Variants in SV2C observed in about 807,000 individuals in gnomAD.
The protein encoded by SV2C is solute carrier family 22 member B3.
In SV2C, 49 loss-of-function variants were observed where a neutral mutation model predicts 79.7. The observed-to-expected ratio is 0.61, with a 90% CI of 0.49 to 0.78. SV2C has a LOEUF of 0.78. Ranked by LOEUF, SV2C falls within the 30% of genes least tolerant of loss-of-function variation. The pLI is 0.00. For synonymous variants in SV2C, 334 were observed against 333.2 expected (o/e 1.00, Z -0.03); for missense variants, 833 against 912.9 (o/e 0.91, Z 1.13).
At chr5:75,972,127 AG>A in the SV2C span, among the ~76,000 whole-genome samples, 1 of 152,288 alleles carries the variant, frequency 6.6e-6, no homozygotes, top group East Asian at 1.9e-4. Flanking sequence ...AGCCATATGT[AG>A]AAAGCTGAAA....
intron 1 of SV2C, among the ~76,000 whole-genome samples, chr5:76,091,118 C>T (rs1747362087): frequency 6.6e-6 from 1 of 152,200 alleles, no homozygotes. Context: ...CTTTTCAACA[C>T]AAGACAGAAT....
At chr5:76,256,531 G>A (rs532439341) in intron 4 of SV2C, among the ~76,000 whole-genome samples, 9 of 152,282 alleles carry the variant, frequency 5.9e-5, no homozygotes, top group South Asian at 2.1e-4. Flanking sequence ...ACCCTTAAAC[G>A]TTTTAGCTTT....
chr5:75,902,580 G>A, the SV2C span, among the ~76,000 whole-genome samples: 1 of 152,168 alleles, frequency 6.6e-6, no homozygotes, highest in Admixed American at 6.5e-5. Flanking sequence ...GCTTTTCCCA[G>A]AGCTCAAATG....
chr5:76,086,070 T>C (rs1469781327), intron 1 of SV2C, among the ~76,000 whole-genome samples: 1 of 152,158 alleles, frequency 6.6e-6, no homozygotes, highest in African/African-American at 2.4e-5. Flanking sequence ...GAAATCAGCT[T>C]TATTTTTCAT....
intron 1 of SV2C, among the ~76,000 whole-genome samples, chr5:76,101,888 G>C (rs1245601882): frequency 6.6e-6 from 1 of 152,156 alleles, no homozygotes; most frequent in Non-Finnish European, 1.5e-5. Context: ...AGAGTAGAAG[G>C]GGAAGAGGAA....
the SV2C span, among the ~76,000 whole-genome samples, chr5:75,871,167 A>G: frequency 6.6e-6 from 1 of 152,210 alleles, no homozygotes; most frequent in Non-Finnish European, 1.5e-5. Flanking sequence ...GATAGATGCA[A>G]AAAAGACATT....
chr5:75,911,480 G>A, the SV2C span: 1 of 853,166 alleles, frequency 1.2e-6, no homozygotes, highest in Non-Finnish European at 1.9e-6. Flanking sequence ...ATACCCTCCA[G>A]TCCTCCAGCC....
intron 2 of SV2C, among the ~76,000 whole-genome samples, chr5:76,134,781 A>G (rs1749014360): frequency 6.6e-6 from 1 of 152,208 alleles, no homozygotes; most frequent in South Asian, 2.1e-4. Flanking sequence ...TTATCTAATG[A>G]TCTGCTCTTT....
At chr5:76,104,864 A>G (rs1747857132) in intron 1 of SV2C, among the ~76,000 whole-genome samples, 2 of 152,156 alleles carry the variant, frequency 1.3e-5, no homozygotes, top group Non-Finnish European at 2.9e-5. Flanking sequence ...TGTGGGTGTC[A>G]TGCCTTAGAA....
chr5:76,051,508 C>T, the SV2C span, among the ~76,000 whole-genome samples: 1 of 151,914 alleles, frequency 6.6e-6, no homozygotes, highest in Admixed American at 6.5e-5. Flanking sequence ...CAGTAAAAAC[C>T]ACTCAAAATT....
chr5:76,073,507 A>G, the SV2C span, among the ~76,000 whole-genome samples: 403 of 57,852 alleles, frequency 7.0e-3, 8 homozygotes, highest in African/African-American at 0.036. Context: ...GTGTGTGTAT[A>G]TATATATATA....
At chr5:75,880,974 C>T in the SV2C span, among the ~76,000 whole-genome samples, 1 of 151,808 alleles carries the variant, frequency 6.6e-6, no homozygotes, top group Non-Finnish European at 1.5e-5. Flanking sequence ...AAATTCATGG[C>T]AGAAGGTGAA....
At chr5:76,040,327 C>G in the SV2C span, among the ~76,000 whole-genome samples, 17 of 152,346 alleles carry the variant, frequency 1.1e-4, no homozygotes, top group East Asian at 3.3e-3. Context: ...CATCTGCTAT[C>G]TGTTTAAAGG....
chr5:75,882,437 G>A, the SV2C span, among the ~76,000 whole-genome samples: 6 of 150,906 alleles, frequency 4.0e-5, no homozygotes, highest in Non-Finnish European at 7.4e-5. Context: ...AGCCTGCATC[G>A]CCAAGTCAAT....
At chr5:75,942,117 G>A in the SV2C span, among the ~76,000 whole-genome samples, 1 of 152,222 alleles carries the variant, frequency 6.6e-6, no homozygotes, top group Non-Finnish European at 1.5e-5. Flanking sequence ...GTTTGCAGGA[G>A]GGTGAACAAG....
chr5:76,122,727 T>C (rs1274044547), intron 1 of SV2C, among the ~76,000 whole-genome samples: 2 of 151,272 alleles, frequency 1.3e-5, no homozygotes, highest in South Asian at 2.1e-4. Context: ...CAAAGCAGTG[T>C]GTAGAGGGAA....
the SV2C span, among the ~76,000 whole-genome samples, chr5:76,051,736 A>C: frequency 6.6e-6 from 1 of 152,190 alleles, no homozygotes. Flanking sequence ...AAATATATCA[A>C]AATAGCAAAT....
the SV2C span, among the ~76,000 whole-genome samples, chr5:76,019,347 A>T: frequency 1.3e-5 from 2 of 152,152 alleles, no homozygotes; most frequent in African/African-American, 4.8e-5. Flanking sequence ...TGGGTTGAGA[A>T]GTAAATGGAA....
At chr5:76,069,635 C>T in the SV2C span, among the ~76,000 whole-genome samples, 1 of 152,184 alleles carries the variant, frequency 6.6e-6, no homozygotes, top group Admixed American at 6.5e-5. Context: ...AATGCAGAGG[C>T]AGCCGAATCA....
Sources: gnomAD v4.1 joint callset for allele counts (sites outside exome capture counted in the v4.1 genomes callset) on GRCh38, gnomAD v4.1.1 for gene constraint, MANE v1.5 for transcripts, NCBI Gene and HGNC (gene_info 2026-07-23, HGNC 2026-07-21) for gene names.